The following FCGR2A variants were observed in gnomAD, a reference collection of about 807,000 sequenced individuals.
FCGR2A encodes low affinity immunoglobulin gamma Fc region receptor II-a.
FCGR2A carries 18 observed loss-of-function variants against 29.3 expected under a neutral mutation model. The observed-to-expected ratio is 0.62, with a 90% CI of 0.43 to 0.91. The LOEUF is 0.91. Among genes scored for constraint, FCGR2A ranks in the 40% least tolerant of loss-of-function variants. The pLI, the probability that FCGR2A is intolerant of heterozygous loss-of-function variation, is 0.00. For missense variants in FCGR2A, 287 were observed against 393.0 expected, an observed-to-expected ratio of 0.73 and a Z score of 2.28; for synonymous variants, 126 against 144.8, an observed-to-expected ratio of 0.87 and a Z score of 0.93.
chr1:161,523,897 C>G (rs997573368), downstream of FCGR2A: 4 of 152,106 alleles, frequency 2.6e-5, no homozygotes, highest in South Asian at 2.1e-4. Flanking sequence ...GGCGAGAATT[C>G]TACCACTGAA....
rs982543439 is a variant in FCGR2A, at chr1:161,505,900, C to T, written c.86-87C>T. The T allele has an allele frequency of 3.6e-5, 48 of 1,341,812 alleles. No homozygotes were observed. The Admixed American group carries it at 5.5e-4, about 15-fold the overall frequency. The allele number at this position is 1,341,812 out of a possible 1,614,324, so 83.1% of individuals were successfully genotyped here. On this transcript the variant is annotated intron_variant, in intron 1 of 6. Coordinates refer to ENST00000271450, the MANE Select transcript of FCGR2A (RefSeq NM_001136219.3). ...GGTCCTGGAGAAGGAAGAGCCCAAG[C>T]TCACCTCCCCAGCATTTCACATACG...
intron 4 of FCGR2A, 25 bp from the exon 5 acceptor site, chr1:161,510,809 C>T (rs1464143150): frequency 6.2e-7 from 1 of 1,613,580 alleles, no homozygotes; most frequent in East Asian, 2.2e-5. Flanking sequence ...ACCCCCCATC[C>T]TGCCCTAATG....
At chr1:161,506,256 C>G (rs1675381839) in intron 2 of FCGR2A, 78 bp from the exon 3 acceptor site, 5 of 1,571,934 alleles carry the variant, frequency 3.2e-6, no homozygotes, top group Middle Eastern at 1.9e-4. Flanking sequence ...GGTGCCTGAC[C>G]TCCCTTGGGA....
At chr1:161,520,903 C>A (rs1676428788), downstream of FCGR2A, among the ~76,000 whole-genome samples, 1 of 144,690 alleles carries the variant, frequency 6.9e-6, no homozygotes, top group Admixed American at 6.7e-5. Context: ...CTGACCTCAT[C>A]TCCTACTGCT....
downstream of FCGR2A, chr1:161,523,881 G>C (rs545105202): frequency 6.6e-6 from 1 of 151,976 alleles, no homozygotes; most frequent in Non-Finnish European, 1.5e-5. Flanking sequence ...GGCCTCCCGC[G>C]TGGCAGGCGA....
At position 161,518,143 on chromosome 1, in the gene FCGR2A, A is replaced by G; in HGVS notation, c.949A>G (p.Asn317Asp). 1 of 1,613,598 alleles carries G rather than the reference A, an allele frequency of 6.2e-7. No homozygotes were observed. Among genetic ancestry groups the G allele is most frequent in the Non-Finnish European group, 8.5e-7 (1 of 1,179,798 alleles). The change falls in exon 7 of 7, where the codon AAC (asparagine) becomes GAC (aspartate). Residue 317 changes from asparagine to aspartate, a missense_variant. Asn to Asp is a conservative substitution (Grantham distance 23). Transcript: ENST00000271450. ...LPPNDHVNSN[N>D] ...TCCCAACGACCATGTCAACAGTAATAACTAAAGAGTAACGTTATGCCATGT... is the reference window on the plus strand; with the variant it reads ...TCCCAACGACCATGTCAACAGTAATGACTAAAGAGTAACGTTATGCCATGT...
At position 161,518,487 on chromosome 1, in the gene FCGR2A, A is replaced by C; in HGVS notation, c.*339A>C. The C allele has an allele frequency of 3.1e-6, 1 of 325,958 alleles. No individual in the cohort carries two copies. The highest frequency in any genetic ancestry group is 5.5e-6 in the Non-Finnish European group (1 of 180,738). The allele number at this position is 325,958 out of a possible 1,614,324, so 20.2% of individuals were successfully genotyped here. ...AGAAGATACCTACCCCCAAAAAACA[A>C]TTATGTAATTGAAAACCAACCGATT... On this transcript the variant is annotated 3_prime_UTR_variant, in exon 7 of 7. Transcript: ENST00000271450.
In FCGR2A at chr1:161,518,207, G is replaced by C. The variant is rs1411586164; in HGVS notation, c.*59G>C. 7 of 1,576,300 alleles carry C rather than the reference G, an allele frequency of 4.4e-6. No individual in the cohort carries two copies. Among genetic ancestry groups the C allele is most frequent in the Non-Finnish European group, 6.0e-6 (7 of 1,163,462 alleles). On this transcript the variant is annotated 3_prime_UTR_variant, in exon 7 of 7. Coordinates refer to ENST00000271450, the MANE Select transcript of FCGR2A (RefSeq NM_001136219.3). ...GCTTGCTGAGTGGATGACAAAAAGA[G>C]GGGAATTGTTAAAGGAAAATTTAAA...
At chr1:161,506,080 G>A (rs549279616) in intron 2 of FCGR2A, 73 bp downstream of exon 2, 13 of 1,495,276 alleles carry the variant, frequency 8.7e-6, no homozygotes, top group African/African-American at 4.1e-5. Flanking sequence ...TTGCTGGGGC[G>A]GCGGGGGGGT....
chr1:161,520,086 A>G (rs1318726965), downstream of FCGR2A: 1 of 152,008 alleles, frequency 6.6e-6, no homozygotes, highest in Non-Finnish European at 1.5e-5. Context: ...TCTGTTGGAT[A>G]GTTTACATCG....
chr1:161,519,729 C>G lies in FCGR2A; in HGVS notation c.*1581C>G, dbSNP rs1676371977. 1 of 152,012 alleles carries G rather than the reference C, an allele frequency of 6.6e-6. No homozygotes were observed. The highest frequency in any genetic ancestry group is 1.5e-5 in the Non-Finnish European group (1 of 68,008). 9.4% of individuals were successfully genotyped at this position (152,012 alleles called of 1,614,324 possible). A position where few individuals can be genotyped will look rare whatever the true frequency, so the allele number is the denominator to read the frequency against. On this transcript the variant is annotated 3_prime_UTR_variant, in exon 7 of 7. Transcript: ENST00000271450. Reference sequence around the variant, plus strand: ...GGAGTGTAGGGTGAGTGCCCCTCTTCTTAGAACTGAATACTCTTCTTCTAA... The same window carrying G: ...GGAGTGTAGGGTGAGTGCCCCTCTTGTTAGAACTGAATACTCTTCTTCTAA...
intron 4 of FCGR2A, chr1:161,510,324 G>T: frequency 1.4e-6 from 1 of 720,378 alleles, no homozygotes. Context: ...CCAGACTAAA[G>T]ATGGCAGTGA....
chr1:161,517,897 A>G, intron 6 of FCGR2A, 78 bp from the exon 7 acceptor site: 1 of 871,130 alleles, frequency 1.1e-6, no homozygotes, highest in South Asian at 1.6e-5. Flanking sequence ...ATCCTTGGCT[A>G]TTATTCTCCT....
chr1:161,505,623 G>A (rs1675337019), intron 1 of FCGR2A, 71 bp downstream of exon 1: 2 of 1,261,566 alleles, frequency 1.6e-6, no homozygotes, highest in Admixed American at 1.7e-5. Context: ...GTACCAGTGT[G>A]GTAAGGAGCA....
chr1:161,517,643 G>A (rs962056890), intron 6 of FCGR2A, among the ~76,000 whole-genome samples: 3 of 152,108 alleles, frequency 2.0e-5, no homozygotes, highest in African/African-American at 4.8e-5. Context: ...CCAAAGGCCA[G>A]ATAAGAATGT....
intron 3 of FCGR2A, among the ~76,000 whole-genome samples, chr1:161,507,948 T>C (rs1675518438): frequency 6.6e-6 from 1 of 151,808 alleles, no homozygotes. Context: ...TAGCCGGGCA[T>C]GGTGGCGCTT....
rs376020188 is a variant in FCGR2A, at chr1:161,518,053, G to A, written c.859G>A (p.Gly287Ser). Residue 287 changes from glycine to serine, a missense_variant, in exon 7 of 7, where the codon GGC becomes AGC. Gly to Ser is a moderately conservative substitution (Grantham distance 56). Transcript: ENST00000271450. ...TNNDYETADG[G>S]YMTLNPRAPT... ...CAATGACTATGAAACAGCTGACGGC[G>A]GCTACATGACTCTGAACCCCAGGGC... is the stretch of plus-strand genomic sequence containing the variant. 1.1e-5 allele frequency: 18 copies of A among 1,613,580 alleles called. No homozygotes were observed. In the East Asian group the frequency reaches 2.2e-4, roughly 20 times the overall value.
At position 161,505,478 on chromosome 1, in the gene FCGR2A, A is replaced by G; in HGVS notation, c.11A>G (p.Glu4Gly). 1 of 1,613,700 alleles carries G rather than the reference A, an allele frequency of 6.2e-7. No individual in the cohort carries two copies. Reference protein sequence around the residue: MTMETQMSQNVCPR... With the variant: MTMGTQMSQNVCPR... ...TGGCACAGTGCTGGGATGACTATGG[A>G]GACCCAAATGTCTCAGAATGTATGT... Residue 4 changes from glutamate to glycine, a missense_variant, in exon 1 of 7, where the codon GAG (glutamate) becomes GGG (glycine). Coordinates refer to ENST00000271450, the MANE Select transcript of FCGR2A (RefSeq NM_001136219.3).
At chr1:161,511,339 G>C (rs984060542) in intron 5 of FCGR2A, among the ~76,000 whole-genome samples, 1 of 152,160 alleles carries the variant, frequency 6.6e-6, no homozygotes, top group Non-Finnish European at 1.5e-5. Context: ...GGAGTAGATA[G>C]GGTACTGCAA....
Sources: allele counts gnomAD v4.1 joint callset (sites outside exome capture counted in the v4.1 genomes callset), GRCh38; gene constraint gnomAD v4.1.1; transcripts MANE v1.5; gene names NCBI Gene and HGNC (gene_info 2026-07-23, HGNC 2026-07-21).